Variants in SIRPG observed in about 807,000 individuals in gnomAD.
SIRPG encodes the protein signal regulatory protein gamma.
A neutral mutation model predicts 35.7 loss-of-function variants in SIRPG; 38 were observed. That is an observed-to-expected ratio of 1.06 (90% confidence interval 0.82 to 1.40). The LOEUF (loss-of-function observed/expected upper bound fraction) is 1.40. Ranked by LOEUF, SIRPG falls within the 40% of genes most tolerant of loss-of-function variation. SIRPG has a pLI of 0.00. For synonymous variants in SIRPG, 215 were observed against 190.4 expected (o/e 1.13, Z -1.06); for missense variants, 519 against 483.0 (o/e 1.07, Z -0.70).
the SIRPG span, among the ~76,000 whole-genome samples, chr20:1,663,861 G>A: frequency 6.6e-6 from 1 of 152,220 alleles, no homozygotes; most frequent in South Asian, 2.1e-4. Context: ...GGTGTGAGGA[G>A]TAGGACACTG....
chr20:1,647,851 T>A (rs2091909013), intron 2 of SIRPG: 1 of 152,170 alleles, frequency 6.6e-6, no homozygotes, highest in Non-Finnish European at 1.5e-5. Flanking sequence ...GGGAAATGGA[T>A]GAAAAAAGAA....
In SIRPG at chr20:1,635,356, A is replaced by T; in HGVS notation, c.992T>A (p.Val331Glu). The T allele has an allele frequency of 6.2e-7, 1 of 1,614,142 alleles. No homozygotes were observed. The highest frequency in any genetic ancestry group is 8.5e-7 in the Non-Finnish European group (1 of 1,180,028). ...GACCGCCAGCTGCCCATCATGCTTC[A>T]CCTGGCAGGTGAGGACCACATCATC... is the stretch of plus-strand genomic sequence containing the variant. ...QRDDVVLTCQ[V>E]KHDGQLAVSK... Residue 331 changes from valine (V) to glutamate (E), a missense_variant, in exon 4 of 6, where the codon GTG becomes GAG. By Grantham distance (121) the Val-to-Glu change is moderately radical. Coordinates refer to ENST00000303415, the MANE Select transcript of SIRPG (RefSeq NM_018556.4).
At chr20:1,655,418 G>A (rs2091969373) in intron 1 of SIRPG, among the ~76,000 whole-genome samples, 1 of 152,246 alleles carries the variant, frequency 6.6e-6, no homozygotes, top group Admixed American at 6.5e-5. Context: ...AGTGAAATAA[G>A]CCAGGCACGG....
At chr20:1,634,531 C>G (rs1600194554) in intron 4 of SIRPG, among the ~76,000 whole-genome samples, 1 of 152,104 alleles carries the variant, frequency 6.6e-6, no homozygotes, top group Admixed American at 6.5e-5. Flanking sequence ...ATTTGTCTTT[C>G]TGAAACATAC....
At chr20:1,671,971 T>C in the SIRPG span, among the ~76,000 whole-genome samples, 1 of 152,210 alleles carries the variant, frequency 6.6e-6, no homozygotes, top group East Asian at 1.9e-4. Flanking sequence ...GAGATTTTGT[T>C]TATGGCCAGT....
intron 1 of SIRPG, among the ~76,000 whole-genome samples, chr20:1,656,659 T>C (rs926863835): frequency 1.3e-5 from 2 of 151,984 alleles, no homozygotes; most frequent in African/African-American, 4.8e-5. Context: ...CAGGGCTCTC[T>C]CAGGTGGCAC....
At chr20:1,638,834 T>C (rs984523189) in intron 2 of SIRPG, among the ~76,000 whole-genome samples, 5 of 142,706 alleles carry the variant, frequency 3.5e-5, no homozygotes, top group African/African-American at 1.3e-4. Flanking sequence ...TGTGTTCACA[T>C]TGTGCAACTC....
intron 2 of SIRPG, among the ~76,000 whole-genome samples, chr20:1,636,785 G>A (rs944098838): frequency 2.0e-5 from 3 of 152,260 alleles, no homozygotes; most frequent in South Asian, 2.1e-4. Flanking sequence ...CACCAATCTG[G>A]GCACAGGAAC....
At chr20:1,648,655 A>ATAAATAAAT (rs2091915140) in intron 2 of SIRPG, among the ~76,000 whole-genome samples, 6 of 152,006 alleles carry the variant, frequency 3.9e-5, no homozygotes, top group African/African-American at 1.4e-4. Flanking sequence ...AATAAATAAA[A>ATAAATAAAT]AAAAATAAAA....
At chr20:1,680,961 T>G in the SIRPG span, among the ~76,000 whole-genome samples, 5 of 152,218 alleles carry the variant, frequency 3.3e-5, no homozygotes, top group Non-Finnish European at 1.5e-5. Context: ...ACTTTTTCTA[T>G]TTTATTCACC....
chr20:1,659,619 T>C (rs535899746), upstream of SIRPG, among the ~76,000 whole-genome samples: 1 of 152,342 alleles, frequency 6.6e-6, no homozygotes, highest in African/African-American at 2.4e-5. Flanking sequence ...TTAACCTCCT[T>C]TCACAGGTGA....
At chr20:1,632,705 G>A (rs2091760971) in intron 4 of SIRPG, among the ~76,000 whole-genome samples, 1 of 152,034 alleles carries the variant, frequency 6.6e-6, no homozygotes, top group African/African-American at 2.4e-5. Flanking sequence ...AGGGGCCTCA[G>A]GACTGAGGGA....
chr20:1,630,166 G>A (rs3746720), intron 5 of SIRPG, 56 bp downstream of exon 5: 338,934 of 1,344,542 alleles, frequency 0.25, 49,027 homozygotes, highest in East Asian at 0.59. Flanking sequence ...GGGCCTTCCT[G>A]TTGGCCTTGC....
Position 1,630,282 on chromosome 20 carries a change from A to G in SIRPG, c.1106T>C (p.Leu369Pro). 6.4e-7 allele frequency: 1 copy of G among 1,570,494 alleles called. No individual in the cohort carries two copies. Residue 369 changes from leucine to proline, a missense_variant, in exon 5 of 6, where the codon CTG becomes CCG. Physicochemically the swap from Leu to Pro is moderately conservative, Grantham distance 98. Coordinates refer to ENST00000303415, the MANE Select transcript of SIRPG (RefSeq NM_018556.4). ...GCCCAGGAGGACAGCTATGAGGAGC[A>G]GCGCAGTAAGGGATGATGCCGGGCC... Reference protein sequence around the residue: ...TPGPASSLTALLLIAVLLGPI... With the variant: ...TPGPASSLTAPLLIAVLLGPI...
At chr20:1,656,433 C>A (rs1160594641) in intron 1 of SIRPG, among the ~76,000 whole-genome samples, 1 of 152,132 alleles carries the variant, frequency 6.6e-6, no homozygotes, top group Non-Finnish European at 1.5e-5. Context: ...AGGAAGAGAG[C>A]AATTGCTGAA....
At chr20:1,681,935 C>G in the SIRPG span, among the ~76,000 whole-genome samples, 440 of 144,168 alleles carry the variant, frequency 3.1e-3, 1 homozygote, top group African/African-American at 0.01. Context: ...ATAGGTATGA[C>G]TATGGATATG....
At chr20:1,634,079 T>C (rs2091771654) in intron 4 of SIRPG, among the ~76,000 whole-genome samples, 1 of 152,172 alleles carries the variant, frequency 6.6e-6, no homozygotes, top group South Asian at 2.1e-4. Context: ...ACAGAGATCA[T>C]GGATGAATGG....
chr20:1,660,012 A>C (rs2091992047), upstream of SIRPG, among the ~76,000 whole-genome samples: 1 of 152,250 alleles, frequency 6.6e-6, no homozygotes, highest in Non-Finnish European at 1.5e-5. Flanking sequence ...TTCACACCTG[A>C]GCAAATATGA....
At chr20:1,684,307 T>C in the SIRPG span, among the ~76,000 whole-genome samples, 1 of 152,180 alleles carries the variant, frequency 6.6e-6, no homozygotes, top group Non-Finnish European at 1.5e-5. Flanking sequence ...ATAAAATACA[T>C]TTCTTTTCTG....
Sources: allele counts gnomAD v4.1 joint callset (sites outside exome capture counted in the v4.1 genomes callset), GRCh38; gene constraint gnomAD v4.1.1; transcripts MANE v1.5; gene names NCBI Gene and HGNC (gene_info 2026-07-23, HGNC 2026-07-21).